Variants in CNBD1 observed in about 807,000 individuals in gnomAD.
CNBD1 encodes cyclic nucleotide-binding domain-containing protein 1.
CNBD1 carries 71 observed loss-of-function variants against 54.4 expected under a neutral mutation model. The ratio of observed to expected loss-of-function variants is 1.30; its 90% confidence interval spans 1.08 to 1.59. CNBD1 has a LOEUF of 1.59. CNBD1 is among the 40% of genes most tolerant of loss of function. The pLI is 0.00. For synonymous variants in CNBD1, 182 were observed against 170.7 expected (o/e 1.07, Z -0.51); for missense variants, 659 against 518.0 (o/e 1.27, Z -2.64).
At chr8:87,255,842 A>G (rs2130843445) in intron 6 of CNBD1, among the ~76,000 whole-genome samples, 1 of 149,940 alleles carries the variant, frequency 6.7e-6, no homozygotes, top group Non-Finnish European at 1.5e-5. Flanking sequence ...GGTAATTATG[A>G]GAATTCAGTG....
chr8:87,329,388 C>A (rs145383628), intron 8 of CNBD1, among the ~76,000 whole-genome samples: 2 of 152,044 alleles, frequency 1.3e-5, no homozygotes, highest in South Asian at 2.1e-4. Flanking sequence ...TATTCTGGGT[C>A]TTTTGCCTCT....
chr8:87,017,651 T>C (rs968649783), intron 4 of CNBD1, among the ~76,000 whole-genome samples: 1 of 152,204 alleles, frequency 6.6e-6, no homozygotes, highest in African/African-American at 2.4e-5. Context: ...TCTCGTGAGC[T>C]GTTTGGTCTG....
At chr8:87,292,550 A>G (rs1386737426) in intron 8 of CNBD1, among the ~76,000 whole-genome samples, 11 of 152,264 alleles carry the variant, frequency 7.2e-5, no homozygotes, top group African/African-American at 2.6e-4. Context: ...TAAGTTTGTC[A>G]TCATATGTAT....
chr8:87,369,056 A>G (rs1213298706), intron 10 of CNBD1, among the ~76,000 whole-genome samples: 1 of 152,044 alleles, frequency 6.6e-6, no homozygotes, highest in African/African-American at 2.4e-5. Context: ...AGTTTAACTG[A>G]TAACTCAATA....
chr8:87,353,872 A>G, intron 10 of CNBD1, 86 bp downstream of exon 10: 1 of 904,836 alleles, frequency 1.1e-6, no homozygotes, highest in Non-Finnish European at 1.6e-6. Flanking sequence ...TATTAATCAG[A>G]TGCATATTTA....
intron 6 of CNBD1, among the ~76,000 whole-genome samples, chr8:87,254,430 T>G (rs1056722866): frequency 6.6e-6 from 1 of 152,234 alleles, no homozygotes; most frequent in Non-Finnish European, 1.5e-5. Context: ...ATGATAAGTA[T>G]TATAACATGA....
At chr8:87,323,598 CTGTT>C (rs973463948) in intron 8 of CNBD1, among the ~76,000 whole-genome samples, 2 of 126,594 alleles carry the variant, frequency 1.6e-5, no homozygotes, top group African/African-American at 5.8e-5. Flanking sequence ...ATTTGGCTCT[CTGTT>C]TGTCTGTTGC....
At chr8:87,248,960 A>G (rs1407829806) in intron 6 of CNBD1, among the ~76,000 whole-genome samples, 1 of 152,178 alleles carries the variant, frequency 6.6e-6, no homozygotes, top group Non-Finnish European at 1.5e-5. Flanking sequence ...CTGCCACCAG[A>G]TGCAACTATA....
chr8:87,005,904 T>C (rs1809088806), intron 4 of CNBD1, among the ~76,000 whole-genome samples: 1 of 152,070 alleles, frequency 6.6e-6, no homozygotes, highest in East Asian at 1.9e-4. Flanking sequence ...CACTCCCAGG[T>C]GTTTGAAAAA....
intron 4 of CNBD1, among the ~76,000 whole-genome samples, chr8:87,022,109 A>C (rs1178485606): frequency 1.3e-5 from 2 of 152,224 alleles, no homozygotes; most frequent in African/African-American, 4.8e-5. Flanking sequence ...GGCCTGCATC[A>C]CGGGTAGTAA....
intron 4 of CNBD1, among the ~76,000 whole-genome samples, chr8:87,060,077 G>T (rs1810510853): frequency 6.6e-6 from 1 of 152,116 alleles, no homozygotes. Context: ...CCCTTCACTG[G>T]CCACACAGAT....
chr8:87,143,849 A>T (rs1455343013), intron 4 of CNBD1, among the ~76,000 whole-genome samples: 2 of 152,182 alleles, frequency 1.3e-5, no homozygotes, highest in Non-Finnish European at 2.9e-5. Context: ...TTTTTAAAAA[A>T]CATTATTTTA....
At chr8:86,867,883 C>T (rs1056208028) in intron 1 of CNBD1, among the ~76,000 whole-genome samples, 5 of 152,092 alleles carry the variant, frequency 3.3e-5, no homozygotes, top group East Asian at 1.9e-4. Flanking sequence ...GATTAAAAGA[C>T]GAAAAATCAG....
intron 4 of CNBD1, among the ~76,000 whole-genome samples, chr8:86,953,320 G>A (rs1586158592): frequency 6.6e-6 from 1 of 152,148 alleles, no homozygotes; most frequent in Non-Finnish European, 1.5e-5. Context: ...TTTCAAAATG[G>A]TTGTATCATT....
chr8:87,118,172 A>G lies in CNBD1; in HGVS notation c.432-87821A>G, dbSNP rs1023717884. ...CTACTAAAAATACAAAAAATTAGCC[A>G]GGCGTGGTGGCATGCACCTGTAGAC... On this transcript the variant is annotated intron_variant, in intron 4 of 10. Coordinates refer to ENST00000518476, the MANE Select transcript of CNBD1 (RefSeq NM_173538.3). Among the ~76,000 whole-genome samples the G allele has an allele frequency of 5.9e-5, 9 of 151,742 alleles. No individual in the cohort carries two copies. The East Asian group carries it at 9.7e-4, about 16-fold the overall frequency.
At chr8:87,283,733 C>T (rs1033771334) in intron 6 of CNBD1, among the ~76,000 whole-genome samples, 11 of 152,032 alleles carry the variant, frequency 7.2e-5, no homozygotes, top group Non-Finnish European at 1.6e-4. Context: ...CTCCAAGTTC[C>T]TAGACTTTAG....
chr8:87,112,145 C>A (rs1229266249), intron 4 of CNBD1, among the ~76,000 whole-genome samples: 1 of 152,170 alleles, frequency 6.6e-6, no homozygotes, highest in Non-Finnish European at 1.5e-5. Context: ...GCTTTTGATT[C>A]TTCCATCATC....
chr8:87,242,817 T>G (rs1327800363), intron 6 of CNBD1, among the ~76,000 whole-genome samples: 1 of 152,206 alleles, frequency 6.6e-6, no homozygotes, highest in Non-Finnish European at 1.5e-5. Context: ...ATAATTTAAT[T>G]GCTTATGGCA....
intron 3 of CNBD1, among the ~76,000 whole-genome samples, chr8:86,926,378 T>G (rs1445266157): frequency 6.6e-6 from 1 of 152,168 alleles, no homozygotes; most frequent in African/African-American, 2.4e-5. Flanking sequence ...GTAGAAGTTT[T>G]GAGTTGAGCT....
Sources: allele counts gnomAD v4.1 joint callset (sites outside exome capture counted in the v4.1 genomes callset), GRCh38; gene constraint gnomAD v4.1.1; transcripts MANE v1.5; gene names NCBI Gene and HGNC (gene_info 2026-07-23, HGNC 2026-07-21).